CNTN5: variants seen among roughly 807,000 people sequenced by gnomAD.
The protein encoded by CNTN5 is contactin 5.
CNTN5 carries 77 observed loss-of-function variants against 129.1 expected under a neutral mutation model. The ratio of observed to expected loss-of-function variants is 0.60; its 90% CI spans 0.50 to 0.72. CNTN5 has a LOEUF of 0.72. Among genes scored for constraint, CNTN5 ranks in the 30% least tolerant of loss-of-function variants. The pLI, the probability that CNTN5 is intolerant of heterozygous loss-of-function variation, is 0.00. For missense variants in CNTN5, 1,478 were observed against 1,328.8 expected (o/e 1.11, Z -1.75); for synonymous variants, 509 against 465.6 (o/e 1.09, Z -1.20).
At chr11:99,197,405 T>C (rs924935860) in intron 1 of CNTN5, among the ~76,000 whole-genome samples, 3 of 152,040 alleles carry the variant, frequency 2.0e-5, no homozygotes, top group Non-Finnish European at 4.4e-5. Context: ...GTAACATTGA[T>C]TCCTTTAAGC....
chr11:99,373,141 C>T (rs956384624), intron 2 of CNTN5, among the ~76,000 whole-genome samples: 1 of 151,820 alleles, frequency 6.6e-6, no homozygotes, highest in South Asian at 2.1e-4. Flanking sequence ...CCCTGGAGGC[C>T]GAGGTTGCAG....
chr11:99,105,186 TAC>T (rs935796279), intron 1 of CNTN5, among the ~76,000 whole-genome samples: 4 of 152,166 alleles, frequency 2.6e-5, no homozygotes, highest in Non-Finnish European at 5.9e-5. Flanking sequence ...GATTAATAAG[TAC>T]ACTTATGTCG....
At chr11:99,551,433 T>C (rs75868346) in intron 2 of CNTN5, among the ~76,000 whole-genome samples, 5,716 of 152,184 alleles carry the variant, frequency 0.038, 153 homozygotes, top group South Asian at 0.085. Context: ...AGGGTTAACA[T>C]TATTTATTAA....
In CNTN5 at chr11:100,289,267, G is replaced by A. The variant is rs189642496; in HGVS notation, c.2315-8358G>A. Among the ~76,000 whole-genome samples, 756 of 152,236 alleles carry A rather than the reference G, an allele frequency of 5.0e-3. 10 individuals are homozygous for A. The highest frequency in any genetic ancestry group is 0.017 in the African/African-American group (708 of 41,538). On this transcript the variant is annotated intron_variant, in intron 18 of 24. Transcript: ENST00000524871. ...CTCCCTAACTCATTTTATGAGGGCA[G>A]CATCATCCTGATACCAAAGCCGGGC...
chr11:99,784,882 C>G (rs1268776421), intron 3 of CNTN5, among the ~76,000 whole-genome samples: 1 of 149,144 alleles, frequency 6.7e-6, no homozygotes, highest in Non-Finnish European at 1.5e-5. Flanking sequence ...TCACTGCAAC[C>G]TCCGCCTCCC....
chr11:99,729,853 A>G (rs1299262930), intron 3 of CNTN5, among the ~76,000 whole-genome samples: 1 of 152,128 alleles, frequency 6.6e-6, no homozygotes, highest in Non-Finnish European at 1.5e-5. Context: ...AACAATGAGA[A>G]CACATGGACA....
At position 100,002,097 on chromosome 11, in the gene CNTN5, A is replaced by G. The variant is rs1379112487; in HGVS notation, c.941A>G (p.Lys314Arg). 6.3e-7 allele frequency: 1 copy of G among 1,597,908 alleles called. No individual in the cohort carries two copies. Among genetic ancestry groups the G allele is most frequent in the South Asian group, 1.1e-5 (1 of 87,592 alleles). ...TTTCCTTTCACGGTTACAGCTGCTA[A>G]AGGAACAACTGTTAAGATGGAATGC... ...VHFPFTVTAA[K>R]GTTVKMECFA... Residue 314 changes from lysine (K) to arginine (R), a missense_variant, in exon 9 of 25, where the codon AAA becomes AGA. Physicochemically the swap from Lys to Arg is conservative, Grantham distance 26. Coordinates refer to ENST00000524871, the MANE Select transcript of CNTN5 (RefSeq NM_014361.4).
intron 13 of CNTN5, among the ~76,000 whole-genome samples, chr11:100,076,671 A>T (rs1176820204): frequency 1.3e-5 from 2 of 148,604 alleles, no homozygotes; most frequent in Non-Finnish European, 1.5e-5. Context: ...CTAAAATGTA[A>T]TTTTTTTTTT....
intron 3 of CNTN5, among the ~76,000 whole-genome samples, chr11:99,663,021 T>C (rs865871666): frequency 5.3e-5 from 8 of 152,214 alleles, no homozygotes; most frequent in Non-Finnish European, 7.3e-5. Context: ...AGTTGTATTA[T>C]GTAAGAAACT....
At chr11:100,038,003 C>T (rs1017034747) in intron 9 of CNTN5, among the ~76,000 whole-genome samples, 2 of 152,018 alleles carry the variant, frequency 1.3e-5, no homozygotes, top group Admixed American at 1.3e-4. Context: ...ATCTTGCCTT[C>T]TGCTAGCTTT....
At chr11:99,126,054 A>G (rs1422119873) in intron 1 of CNTN5, among the ~76,000 whole-genome samples, 1 of 152,140 alleles carries the variant, frequency 6.6e-6, no homozygotes, top group Non-Finnish European at 1.5e-5. Context: ...TATGATCTGC[A>G]CTGATAATAG....
At chr11:99,639,518 T>C (rs1951686721) in intron 3 of CNTN5, among the ~76,000 whole-genome samples, 1 of 151,628 alleles carries the variant, frequency 6.6e-6, no homozygotes, top group Non-Finnish European at 1.5e-5. Context: ...TCTGCTTCCC[T>C]TATAAAACAA....
At chr11:99,293,487 A>G (rs1171551842) in intron 1 of CNTN5, among the ~76,000 whole-genome samples, 1 of 152,158 alleles carries the variant, frequency 6.6e-6, no homozygotes, top group Non-Finnish European at 1.5e-5. Flanking sequence ...CAGTTTGAGT[A>G]TACGTGGTAT....
At chr11:99,779,814 A>G (rs976859939) in intron 3 of CNTN5, among the ~76,000 whole-genome samples, 2 of 152,046 alleles carry the variant, frequency 1.3e-5, no homozygotes, top group Non-Finnish European at 2.9e-5. Flanking sequence ...CTAAGAAATC[A>G]TAATATGCAG....
At chr11:99,415,314 A>AT (rs963530642) in intron 2 of CNTN5, among the ~76,000 whole-genome samples, 8 of 144,480 alleles carry the variant, frequency 5.5e-5, no homozygotes, top group Middle Eastern at 3.5e-3. Context: ...ATGTGACTGG[A>AT]TAAAAAAAAA....
intron 18 of CNTN5, among the ~76,000 whole-genome samples, chr11:100,280,472 T>A (rs1040875782): frequency 3.3e-5 from 5 of 152,062 alleles, no homozygotes; most frequent in Non-Finnish European, 5.9e-5. Context: ...TCTTAAAATT[T>A]ATTTTTTTCT....
intron 15 of CNTN5, among the ~76,000 whole-genome samples, chr11:100,215,692 A>G (rs942789684): frequency 6.6e-6 from 1 of 152,172 alleles, no homozygotes; most frequent in African/African-American, 2.4e-5. Flanking sequence ...GCAAGCAGAA[A>G]TGAAGAGAAG....
intron 8 of CNTN5, among the ~76,000 whole-genome samples, chr11:99,995,210 G>C (rs1023843458): frequency 2.6e-5 from 4 of 151,954 alleles, no homozygotes; most frequent in Non-Finnish European, 5.9e-5. Flanking sequence ...ATGAAACCCA[G>C]AGTTTTCTGA....
At chr11:100,204,391 T>C (rs1203555386) in intron 15 of CNTN5, among the ~76,000 whole-genome samples, 1 of 141,410 alleles carries the variant, frequency 7.1e-6, no homozygotes, top group South Asian at 2.3e-4. Context: ...TAGATATCTA[T>C]ATATCTCTCA....
Sources: allele counts gnomAD v4.1 joint callset (sites outside exome capture counted in the v4.1 genomes callset), GRCh38; gene constraint gnomAD v4.1.1; transcripts MANE v1.5; gene names NCBI Gene and HGNC (gene_info 2026-07-23, HGNC 2026-07-21).